GSTA3: variants seen among roughly 807,000 people sequenced by gnomAD.
GSTA3 encodes the protein glutathione S-transferase A3.
A neutral mutation model predicts 23.1 loss-of-function variants in GSTA3; 16 were observed. The ratio of observed to expected loss-of-function variants is 0.69; its 90% CI spans 0.47 to 1.05. GSTA3 has a LOEUF of 1.05. GSTA3 is among the 50% of genes least tolerant of loss of function. The pLI is 0.00. For missense variants in GSTA3, 319 were observed against 263.6 expected (o/e 1.21, Z -1.46); for synonymous variants, 122 against 91.0 (o/e 1.34, Z -1.94).
chr6:52,905,831 C>T lies in GSTA3; in HGVS notation c.4G>A (p.Ala2Thr), dbSNP rs1325588356. The change falls in exon 2 of 7, where the codon GCA becomes ACA. Residue 2 changes from alanine to threonine, a missense_variant. Physicochemically the swap from Ala to Thr is moderately conservative, Grantham distance 58. Coordinates refer to ENST00000211122, the MANE Select transcript of GSTA3 (RefSeq NM_000847.5). M[A>T]GKPKLHYFNG... The stretch of plus-strand genomic sequence containing the variant: ...AAGTAGTGAAGCTTGGGCTTCCCTG[C>T]CATGGTAACAGTCTCTTGGTTTCTC... 1.3e-6 allele frequency: 2 copies of T among 1,587,006 alleles called. No individual in the cohort carries two copies. The highest frequency in any genetic ancestry group is 1.1e-5 in the South Asian group (1 of 89,866).
chr6:52,903,634 A>T (rs1019729249), intron 3 of GSTA3, 42 bp downstream of exon 3: 3 of 1,063,298 alleles, frequency 2.8e-6, no homozygotes, highest in Non-Finnish European at 4.3e-6. Flanking sequence ...TACCTTCTCT[A>T]CTAGATACCC....
intron 1 of GSTA3, among the ~76,000 whole-genome samples, chr6:52,908,420 C>T (rs1765968291): frequency 6.6e-6 from 1 of 152,052 alleles, no homozygotes; most frequent in South Asian, 2.1e-4. Context: ...GAGGCTGAGG[C>T]AGGAAGATCA....
intron 5 of GSTA3, among the ~76,000 whole-genome samples, chr6:52,899,474 T>C (rs1765592247): frequency 6.6e-6 from 1 of 152,212 alleles, no homozygotes; most frequent in Non-Finnish European, 1.5e-5. Flanking sequence ...TCACTATCCT[T>C]TTAAGAAATA....
intron 4 of GSTA3, among the ~76,000 whole-genome samples, chr6:52,900,750 G>T (rs1404530537): frequency 1.3e-5 from 2 of 152,174 alleles, no homozygotes; most frequent in Non-Finnish European, 2.9e-5. Context: ...ATTGTGGTTT[G>T]TTCTGTGCAT....
At chr6:52,909,233 G>A (rs1015080066) in intron 1 of GSTA3, among the ~76,000 whole-genome samples, 1 of 152,178 alleles carries the variant, frequency 6.6e-6, no homozygotes, top group African/African-American at 2.4e-5. Flanking sequence ...GCTCCCAAAT[G>A]TGTGACCCTG....
At chr6:52,906,512 C>G (rs1356493702) in intron 1 of GSTA3, among the ~76,000 whole-genome samples, 1 of 152,204 alleles carries the variant, frequency 6.6e-6, no homozygotes, top group Non-Finnish European at 1.5e-5. Context: ...CAAGTCAATC[C>G]TAAGCCAAAA....
In GSTA3 at chr6:52,900,157, G is replaced by A. The variant is rs557739251; in HGVS notation, c.273-82C>T. 2.0e-5 allele frequency: 24 copies of A among 1,205,908 alleles called. 1 individual carries two copies. In the Admixed American group the frequency reaches 4.7e-4, roughly 24 times the overall value. 74.7% of individuals were successfully genotyped at this position (1,205,908 alleles called of 1,614,324 possible). ...TTATAAAAACCTAAGAGAATAGAGG[G>A]TCAGATGGTGGTAAGGTAATTCATC... On this transcript the variant is annotated intron_variant, in intron 4 of 6. Transcript: ENST00000211122.
chr6:52,902,461 G>A lies in GSTA3; in HGVS notation c.157C>T (p.Gln53Ter), dbSNP rs1765721840. 1 of 1,610,088 alleles carries A rather than the reference G, an allele frequency of 6.2e-7. No homozygotes were observed. The highest frequency in any genetic ancestry group is 8.5e-7 in the Non-Finnish European group (1 of 1,178,926). ...TCAATCTCAACCATTGGTACTTGCTGGAACATCAAACTCCCATCTTTAGAA... is the reference window on the plus strand; with the variant it reads ...TCAATCTCAACCATTGGTACTTGCTAGAACATCAAACTCCCATCTTTAGAA... ...KLRNDGSLMFQQVPMVEIDGM... is the reference protein window; with the variant it reads ...KLRNDGSLMF The change falls in exon 4 of 7, where the codon CAG becomes TAG. Residue 53 changes from glutamine to a stop codon, truncating the protein, a stop_gained. Transcript: ENST00000211122. LOFTEE classifies it high-confidence loss of function.
chr6:52,896,729 A>G lies in GSTA3; in HGVS notation c.*77T>C. ...TAGCTTTACAACAGGCACAATCAACACTTAAGTAAAGCACTTCATTGTTGC... is the reference window on the plus strand; with the variant it reads ...TAGCTTTACAACAGGCACAATCAACGCTTAAGTAAAGCACTTCATTGTTGC... On this transcript the variant is annotated 3_prime_UTR_variant, in exon 7 of 7. Coordinates refer to ENST00000211122, the MANE Select transcript of GSTA3 (RefSeq NM_000847.5). 2 of 1,536,574 alleles carry G rather than the reference A, an allele frequency of 1.3e-6. No individual in the cohort carries two copies. The highest frequency in any genetic ancestry group is 1.8e-6 in the Non-Finnish European group (2 of 1,118,082).
chr6:52,896,862 T>A lies in GSTA3; in HGVS notation c.613A>T (p.Lys205Ter), dbSNP rs1310123088. 2.5e-6 allele frequency: 4 copies of A among 1,614,138 alleles called. No individual in the cohort carries two copies. Among genetic ancestry groups the A allele is most frequent in the Admixed American group, 3.3e-5 (2 of 60,022 alleles). The change falls in exon 7 of 7, where the codon AAG becomes TAG. Residue 205 changes from lysine (K) to a stop codon, truncating the protein, a stop_gained. Coordinates refer to ENST00000211122, the MANE Select transcript of GSTA3 (RefSeq NM_000847.5). LOFTEE classifies it low-confidence loss of function (END_TRUNC). The stretch of plus-strand genomic sequence containing the variant: ...AAAGCTTTTGCATCTGCGGGAGGCT[T>A]CCTTGGGCTGCCAGGCTGTAGAAAC... The part of the protein sequence containing the change: ...KKFLQPGSPR[K>*]PPADAKALEE...
At chr6:52,903,845 G>T in intron 2 of GSTA3, 118 bp from the exon 3 acceptor site, 1 of 662,816 alleles carries the variant, frequency 1.5e-6, no homozygotes, top group South Asian at 1.8e-5. Context: ...TTCTGAGTTT[G>T]GCAGGGGACA....
Position 52,897,923 on chromosome 6 carries a change from C to T in GSTA3, c.448G>A (p.Gly150Ser), listed in dbSNP as rs780530220. ...ATGTCAGCCCGGCTCAGCTTGTTGCCAACAAGGTAGTCTTGTCCATGGCTC... is the reference window on the plus strand; with the variant it reads ...ATGTCAGCCCGGCTCAGCTTGTTGCTAACAAGGTAGTCTTGTCCATGGCTC... Reference protein sequence around the residue: ...LQSHGQDYLVGNKLSRADISL... With the variant: ...LQSHGQDYLVSNKLSRADISL... Residue 150 changes from glycine to serine, a missense_variant, in exon 6 of 7, where the codon GGC (glycine) becomes AGC (serine). Gly to Ser is a moderately conservative substitution (Grantham distance 56). Coordinates refer to ENST00000211122, the MANE Select transcript of GSTA3 (RefSeq NM_000847.5). 3.7e-6 allele frequency: 6 copies of T among 1,614,018 alleles called. No homozygotes were observed. The South Asian group carries it at 5.5e-5, about 15-fold the overall frequency.
chr6:52,909,008 AAGG>A (rs757712929), intron 1 of GSTA3, among the ~76,000 whole-genome samples: 22 of 152,178 alleles, frequency 1.4e-4, no homozygotes, highest in Non-Finnish European at 2.9e-4. Context: ...AGGAGGGAAG[AAGG>A]AGGAGAAGAA....
chr6:52,899,892 C>A, intron 5 of GSTA3, 42 bp downstream of exon 5: 1 of 1,607,258 alleles, frequency 6.2e-7, no homozygotes, highest in Non-Finnish European at 8.5e-7. Context: ...TTCTACTGGC[C>A]TCTAAACTCA....
intron 1 of GSTA3, among the ~76,000 whole-genome samples, chr6:52,907,150 G>A (rs1416055903): frequency 2.4e-4 from 31 of 127,812 alleles, no homozygotes; most frequent in South Asian, 9.3e-4. Context: ...AAAAGTGGGC[G>A]AAGGACATGA....
intron 3 of GSTA3, among the ~76,000 whole-genome samples, chr6:52,903,135 G>A (rs908035130): frequency 6.6e-6 from 1 of 152,084 alleles, no homozygotes; most frequent in African/African-American, 2.4e-5. Flanking sequence ...CACTGGGGAT[G>A]GTTCCTCTAG....
Position 52,898,505 on chromosome 6 carries a change from A to G in GSTA3, c.415-549T>C, listed in dbSNP as rs372220429. On this transcript the variant is annotated intron_variant, in intron 5 of 6. Coordinates refer to ENST00000211122, the MANE Select transcript of GSTA3 (RefSeq NM_000847.5). ...ACTTAAAAACATAAAATTTTGTTGAATAGAGAATTCTATATTGGGGTCTAG... is the reference window on the plus strand; with the variant it reads ...ACTTAAAAACATAAAATTTTGTTGAGTAGAGAATTCTATATTGGGGTCTAG... Among the ~76,000 whole-genome samples the G allele has an allele frequency of 1.6e-3, 237 of 152,302 alleles. 4 individuals carry two copies. Among genetic ancestry groups the G allele is most frequent in the Middle Eastern group, 6.8e-3 (2 of 294 alleles).
chr6:52,902,408 G>T lies in GSTA3; in HGVS notation c.210C>A (p.Ala70=). The change falls in exon 4 of 7, where the codon GCC becomes GCA. Residue 70 remains alanine, a synonymous_variant. Coordinates refer to ENST00000211122, the MANE Select transcript of GSTA3 (RefSeq NM_000847.5). The part of the protein sequence containing the change: ...IDGMKLVQTR[A]ILNYIASKYN... ...ATTTGCTGGCAATGTAGTTGAGAAT[G>T]GCTCTGGTCTGTACCAACTTCATCC... 9 of 1,613,966 alleles carry T rather than the reference G, an allele frequency of 5.6e-6. No homozygotes were observed. The highest frequency in any genetic ancestry group is 7.6e-6 in the Non-Finnish European group (9 of 1,179,892).
At chr6:52,902,066 C>T (rs886602176) in intron 4 of GSTA3, among the ~76,000 whole-genome samples, 28 of 152,158 alleles carry the variant, frequency 1.8e-4, no homozygotes, top group African/African-American at 6.5e-4. Context: ...ATCATTATTC[C>T]CCATCCTCCT....
Sources: allele counts gnomAD v4.1 joint callset (sites outside exome capture counted in the v4.1 genomes callset), GRCh38; gene constraint gnomAD v4.1.1; transcripts MANE v1.5; gene names NCBI Gene and HGNC (gene_info 2026-07-23, HGNC 2026-07-21).